ABTB2: variants seen among roughly 807,000 people sequenced by gnomAD.
The protein encoded by ABTB2 is ankyrin repeat and BTB domain containing 2.
In ABTB2, 56 loss-of-function variants were observed where a neutral mutation model predicts 104.1. That is an observed-to-expected ratio of 0.54 (90% CI 0.43 to 0.67). ABTB2 has a LOEUF of 0.67. ABTB2 is among the 30% of genes least tolerant of loss of function. The pLI is 0.00. For synonymous variants in ABTB2, 606 were observed against 608.2 expected, an observed-to-expected ratio of 1.00 and a Z score of 0.05; for missense variants, 1,279 against 1,407.7, an observed-to-expected ratio of 0.91 and a Z score of 1.46.
intron 1 of ABTB2, among the ~76,000 whole-genome samples, chr11:34,327,996 C>G (rs2133115188): frequency 1.3e-5 from 2 of 152,298 alleles, no homozygotes; most frequent in African/African-American, 4.8e-5. Context: ...TCATCTAGCA[C>G]AGTGTGTGAA....
At chr11:34,183,002 A>G (rs1590209890) in intron 3 of ABTB2, among the ~76,000 whole-genome samples, 1 of 152,152 alleles carries the variant, frequency 6.6e-6, no homozygotes, top group Non-Finnish European at 1.5e-5. Context: ...ATGACATTCC[A>G]CAGCCACTCA....
Position 34,356,792 on chromosome 11 carries a change from A to G in ABTB2, c.792T>C (p.Ala264=), listed in dbSNP as rs1263720517. 6.2e-7 allele frequency: 1 copy of G among 1,610,374 alleles called. No individual in the cohort carries two copies. Among genetic ancestry groups the G allele is most frequent in the Middle Eastern group, 1.7e-4 (1 of 6,060 alleles). Reference sequence around the variant, plus strand: ...TGTTGATGACCATCTCCAGGGCCTCAGCAGACACCTCCCCGCCTCCGGCCC... The same window carrying G: ...TGTTGATGACCATCTCCAGGGCCTCGGCAGACACCTCCCCGCCTCCGGCCC... The part of the protein sequence containing the change: ...GGGAGGGEVS[A]EALEMVINND... The change falls in exon 1 of 17, where the codon GCT becomes GCC. Residue 264 remains alanine, a synonymous_variant. Transcript: ENST00000435224. The surrounding 1 kb of genome is among the most constrained non-coding windows in gnomAD (Gnocchi z 4.6).
intron 1 of ABTB2, among the ~76,000 whole-genome samples, chr11:34,266,475 T>C (rs1298947862): frequency 6.6e-6 from 1 of 152,178 alleles, no homozygotes. Context: ...GACCAATCCC[T>C]GCCAGCCCTG....
intron 1 of ABTB2, 79 bp from the exon 2 acceptor site, chr11:34,204,769 C>CT (rs1818792750): frequency 2.8e-6 from 4 of 1,446,756 alleles, no homozygotes; most frequent in Non-Finnish European, 9.4e-7. Flanking sequence ...GCAGGCAGGG[C>CT]TCAGCCCTGC....
intron 1 of ABTB2, among the ~76,000 whole-genome samples, chr11:34,314,357 G>A (rs1164988553): frequency 2.6e-5 from 4 of 152,222 alleles, no homozygotes; most frequent in Non-Finnish European, 4.4e-5. Flanking sequence ...CTCGATGAGG[G>A]CGGGACCAGG....
intron 1 of ABTB2, among the ~76,000 whole-genome samples, chr11:34,291,946 C>G (rs1215225488): frequency 6.6e-6 from 1 of 150,890 alleles, no homozygotes; most frequent in African/African-American, 2.4e-5. Context: ...ACCAATAATA[C>G]AAAGGTATCA....
rs1382627906 is a variant in ABTB2 at position 34,152,169 on chromosome 11, C to CAGTT, written c.*214_*217dup. 5.2e-6 allele frequency: 3 copies of CAGTT among 578,274 alleles called. No individual in the cohort carries two copies. Among genetic ancestry groups the CAGTT allele is most frequent in the East Asian group, 6.0e-5 (2 of 33,430 alleles). The allele number at this position is 578,274 out of a possible 1,614,324, so 35.8% of individuals were successfully genotyped here. ...AAACTGAGATGGGGAGGAGGGCCAC[C>CAGTT]AGTTAGCTACATCTCCCCTTTGCCC... On this transcript the variant is annotated 3_prime_UTR_variant, in exon 17 of 17. Transcript: ENST00000435224.
intron 1 of ABTB2, among the ~76,000 whole-genome samples, chr11:34,249,265 C>T (rs923666484): frequency 6.6e-6 from 1 of 152,186 alleles, no homozygotes; most frequent in Non-Finnish European, 1.5e-5. Flanking sequence ...GAAGCTCATG[C>T]CTTTAAGGAC....
At chr11:34,167,229 G>A in intron 7 of ABTB2, 30 bp downstream of exon 7, 1 of 1,573,050 alleles carries the variant, frequency 6.4e-7, no homozygotes, top group Non-Finnish European at 8.7e-7. Flanking sequence ...GTAAGCTGGG[G>A]GGCATGGTGT....
Position 34,357,603 on chromosome 11 carries a change from G to T in ABTB2, c.-20C>A. 1 of 1,489,842 alleles carries T rather than the reference G, an allele frequency of 6.7e-7. No homozygotes were observed. 92.3% of individuals were successfully genotyped at this position (1,489,842 alleles called of 1,614,324 possible). ...GGCCATGGGGAGCCTGCCGAGGGCGGCGTCGCCGAGCGAGGGGCACTCACA... is the reference window on the plus strand; with the variant it reads ...GGCCATGGGGAGCCTGCCGAGGGCGTCGTCGCCGAGCGAGGGGCACTCACA... On this transcript the variant is annotated 5_prime_UTR_variant, in exon 1 of 17. Coordinates refer to ENST00000435224, the MANE Select transcript of ABTB2 (RefSeq NM_145804.3).
chr11:34,276,276 T>C (rs7110436), intron 1 of ABTB2, among the ~76,000 whole-genome samples: 65,938 of 151,910 alleles, frequency 0.43, 15,167 homozygotes, highest in Middle Eastern at 0.61. Context: ...GACCACACTG[T>C]TGAAGGGTCC....
intron 1 of ABTB2, among the ~76,000 whole-genome samples, chr11:34,232,658 G>C (rs889177195): frequency 1.3e-5 from 2 of 151,900 alleles, no homozygotes; most frequent in Non-Finnish European, 2.9e-5. Flanking sequence ...AGTATTTATC[G>C]AGCCCTTGGC....
intron 1 of ABTB2, among the ~76,000 whole-genome samples, chr11:34,256,963 A>C (rs766202252): frequency 6.6e-6 from 1 of 151,348 alleles, no homozygotes; most frequent in Non-Finnish European, 1.5e-5. Flanking sequence ...CTGCTACCCA[A>C]CCAGGGCTCA....
chr11:34,170,850 T>G, intron 5 of ABTB2, 56 bp downstream of exon 5: 2 of 1,582,352 alleles, frequency 1.3e-6, no homozygotes, highest in Non-Finnish European at 1.7e-6. Context: ...TGCTGGGAGC[T>G]GAGAATTCCC....
intron 1 of ABTB2, among the ~76,000 whole-genome samples, chr11:34,298,623 C>T (rs959214403): frequency 1.3e-4 from 20 of 151,900 alleles, no homozygotes; most frequent in Admixed American, 2.6e-4. Context: ...ACACCATGCC[C>T]GGCTAATTTT....
At chr11:34,194,182 G>T (rs1208369837) in intron 3 of ABTB2, among the ~76,000 whole-genome samples, 2 of 152,172 alleles carry the variant, frequency 1.3e-5, no homozygotes, top group African/African-American at 4.8e-5. Context: ...ATGTCATGCT[G>T]CCAAACCCAT....
intron 1 of ABTB2, among the ~76,000 whole-genome samples, chr11:34,219,047 A>G (rs913372598): frequency 3.2e-5 from 2 of 61,826 alleles, no homozygotes; most frequent in African/African-American, 8.6e-5. Context: ...TACTAATTAT[A>G]CCAAGCTTAG....
At chr11:34,322,339 G>T (rs567625269) in intron 1 of ABTB2, among the ~76,000 whole-genome samples, 1 of 152,178 alleles carries the variant, frequency 6.6e-6, no homozygotes, top group African/African-American at 2.4e-5. Flanking sequence ...ACTTTGGGAG[G>T]TTGAGGAGGG....
intron 14 of ABTB2, among the ~76,000 whole-genome samples, chr11:34,157,502 C>T (rs973890891): frequency 6.6e-6 from 1 of 152,196 alleles, no homozygotes; most frequent in African/African-American, 2.4e-5. Flanking sequence ...GCCACAAGTG[C>T]GCTCCCCAGT....
Sources: gnomAD v4.1 joint callset for allele counts (sites outside exome capture counted in the v4.1 genomes callset) on GRCh38, gnomAD v4.1.1 for gene constraint, Gnocchi (gnomAD v3.1) non-coding constraint, MANE v1.5 for transcripts, NCBI Gene and HGNC (gene_info 2026-07-23, HGNC 2026-07-21) for gene names.